DERA: variants seen among roughly 807,000 people sequenced by gnomAD.
The protein encoded by DERA is deoxyribose-phosphate aldolase.
Under a neutral mutation model 41.1 loss-of-function variants are expected in DERA, and 15 were observed. That is an observed-to-expected ratio of 0.37 (90% CI 0.24 to 0.56). The LOEUF is 0.56. Ranked by LOEUF, DERA falls within the 20% of genes least tolerant of loss-of-function variation. The pLI is 0.81. For synonymous variants in DERA, 139 were observed against 137.4 expected (o/e 1.01, Z -0.08); for missense variants, 396 against 403.4 (o/e 0.98, Z 0.16).
In DERA at chr12:15,940,680, A is replaced by C. The variant is rs1948402578; in HGVS notation, c.32-16256A>C. Among the ~76,000 whole-genome samples the C allele has an allele frequency of 6.6e-6, 1 of 152,154 alleles. No individual in the cohort carries two copies. Among genetic ancestry groups the C allele is most frequent in the African/African-American group, 2.4e-5 (1 of 41,446 alleles). On this transcript the variant is annotated intron_variant, in intron 1 of 8. Transcript: ENST00000428559. The surrounding 1 kb of genome is among the most constrained non-coding windows in gnomAD (Gnocchi z 5.1). ...TTACTTCTTACACATTCACTAGAAAATTTAGATCTAAAAGTGAGCAATATT... is the reference window on the plus strand; with the variant it reads ...TTACTTCTTACACATTCACTAGAAACTTTAGATCTAAAAGTGAGCAATATT...
chr12:15,960,291 AAC>A (rs547474609), intron 4 of DERA, among the ~76,000 whole-genome samples: 37 of 150,458 alleles, frequency 2.5e-4, no homozygotes, highest in African/African-American at 8.5e-4. Context: ...TATACATACT[AAC>A]ACACACATGT....
intron 1 of DERA, among the ~76,000 whole-genome samples, chr12:15,919,982 G>GTC (rs1948229842): frequency 6.7e-6 from 1 of 150,164 alleles, no homozygotes; most frequent in Admixed American, 6.7e-5. Flanking sequence ...GTGTGTGTGT[G>GTC]TGTGTGTGTG....
chr12:15,966,566 A>G lies in DERA; in HGVS notation c.508+3619A>G, dbSNP rs1483761056. Among the ~76,000 whole-genome samples the G allele has an allele frequency of 1.3e-5, 2 of 152,150 alleles. No homozygotes were observed. Among genetic ancestry groups the G allele is most frequent in the African/African-American group, 2.4e-5 (1 of 41,436 alleles). On this transcript the variant is annotated intron_variant, in intron 5 of 8. Coordinates refer to ENST00000428559, the MANE Select transcript of DERA (RefSeq NM_015954.4). This position sits in a 1 kb window ranked among gnomAD's most constrained non-coding sequence, Gnocchi z 5.1. ...CCTGTCATCTCATTATGTCCAGGGC[A>G]TACTCCCCAGTTGTTTATTCAGCAT...
chr12:15,933,754 T>G (rs1239574871), intron 1 of DERA, among the ~76,000 whole-genome samples: 2 of 152,146 alleles, frequency 1.3e-5, no homozygotes, highest in African/African-American at 4.8e-5. Context: ...TCCTTGATTC[T>G]CAGTTAATTT....
chr12:15,977,954 A>C (rs1265165927), intron 5 of DERA, among the ~76,000 whole-genome samples: 1 of 152,176 alleles, frequency 6.6e-6, no homozygotes, highest in Non-Finnish European at 1.5e-5. Flanking sequence ...TTATTGCTTC[A>C]CTTGTAATTT....
intron 6 of DERA, among the ~76,000 whole-genome samples, chr12:16,006,098 T>C (rs1472655727): frequency 1.3e-5 from 2 of 152,248 alleles, no homozygotes; most frequent in Non-Finnish European, 2.9e-5. Flanking sequence ...GCCTTACTTG[T>C]GGAAAACCAG....
intron 5 of DERA, among the ~76,000 whole-genome samples, chr12:15,975,108 A>G (rs191653282): frequency 4.4e-4 from 67 of 152,308 alleles, no homozygotes; most frequent in African/African-American, 1.6e-3. Context: ...CGGAAATTAC[A>G]GTAGAGAAAG....
intron 6 of DERA, among the ~76,000 whole-genome samples, chr12:16,023,291 A>G (rs1409987944): frequency 6.6e-6 from 1 of 152,150 alleles, no homozygotes; most frequent in Non-Finnish European, 1.5e-5. Flanking sequence ...CAAGAATACT[A>G]TAGAAATTTG....
chr12:15,957,604 A>G lies in DERA; in HGVS notation c.129+571A>G, dbSNP rs1948549675. On this transcript the variant is annotated intron_variant, in intron 2 of 8. Transcript: ENST00000428559. The surrounding 1 kb of genome is among the most constrained non-coding windows in gnomAD (Gnocchi z 4.8). Reference sequence around the variant, plus strand: ...GAGTTCATTTCACAAGTGAGACAGAATACTGTGATTGAATCCTTGAGAGTG... The same window carrying G: ...GAGTTCATTTCACAAGTGAGACAGAGTACTGTGATTGAATCCTTGAGAGTG... 1.3e-5 allele frequency among the ~76,000 whole-genome samples: 2 copies of G among 152,228 alleles called. No homozygotes were observed.
intron 5 of DERA, among the ~76,000 whole-genome samples, chr12:15,964,700 A>G (rs116062531): frequency 0.012 from 1,845 of 152,354 alleles, 57 homozygotes; most frequent in African/African-American, 0.041. Context: ...TATGTCCTTT[A>G]TATCTTAAGC....
chr12:15,987,223 A>G (rs1265302346), intron 6 of DERA, among the ~76,000 whole-genome samples: 4 of 138,664 alleles, frequency 2.9e-5, no homozygotes, highest in South Asian at 2.2e-4. Context: ...AAAACCATAT[A>G]TATGTACTTT....
Position 15,943,689 on chromosome 12 carries a change from T to C in DERA, c.32-13247T>C, listed in dbSNP as rs1948424491. ...GACATTTTCTATTTTCTGTTTCTTC[T>C]TTTTTATTTTTTAATTTTTATTTAT... is the stretch of plus-strand genomic sequence containing the variant. On this transcript the variant is annotated intron_variant, in intron 1 of 8. Transcript: ENST00000428559. This position sits in a 1 kb window ranked among gnomAD's most constrained non-coding sequence, Gnocchi z 4.5. Among the ~76,000 whole-genome samples, 1 of 146,930 alleles carries C rather than the reference T, an allele frequency of 6.8e-6. No homozygotes were observed. The highest frequency in any genetic ancestry group is 2.1e-4 in the South Asian group (1 of 4,742).
At position 15,967,793 on chromosome 12, in the gene DERA, TAA is replaced by T. The variant is rs1399606809; in HGVS notation, c.508+4847_508+4848del. Among the ~76,000 whole-genome samples, 4 of 152,340 alleles carry T rather than the reference TAA, an allele frequency of 2.6e-5. No homozygotes were observed. The highest frequency in any genetic ancestry group is 2.6e-4 in the Admixed American group (4 of 15,308). On this transcript the variant is annotated intron_variant, in intron 5 of 8. Transcript: ENST00000428559. The surrounding 1 kb of genome is among the most constrained non-coding windows in gnomAD (Gnocchi z 4.9). ...GTCTAGCTGGACATGGAAACGTGGA[TAA>T]CTACATTTCTCACTTACCACCATAG...
rs1475279146 is a variant in DERA, at chr12:15,928,077, T to C, written c.31+16663T>C. 6.6e-6 allele frequency among the ~76,000 whole-genome samples: 1 copy of C among 152,258 alleles called. No homozygotes were observed. Among genetic ancestry groups the C allele is most frequent in the Non-Finnish European group, 1.5e-5 (1 of 68,046 alleles). ...GTAATATTTTGATACATGTATACAATGTGAAATGATTAAATCAAGCTGAGT... is the reference window on the plus strand; with the variant it reads ...GTAATATTTTGATACATGTATACAACGTGAAATGATTAAATCAAGCTGAGT... On this transcript the variant is annotated intron_variant, in intron 1 of 8. Coordinates refer to ENST00000428559, the MANE Select transcript of DERA (RefSeq NM_015954.4). The surrounding 1 kb of genome is among the most constrained non-coding windows in gnomAD (Gnocchi z 4.6).
intron 6 of DERA, among the ~76,000 whole-genome samples, chr12:16,002,335 G>A (rs1194576942): frequency 6.3e-5 from 9 of 141,834 alleles, no homozygotes; most frequent in African/African-American, 1.7e-4. Flanking sequence ...AGGAGCCAAC[G>A]TATATAACCT....
rs770137344 is a variant in DERA, at chr12:16,013,244, C to T, written c.638-19298C>T. ...TAATGCTTAGTTTAATGTGTGACTG[C>T]ACATGCTGTTCATTTGTGATATGGT... On this transcript the variant is annotated intron_variant, in intron 6 of 8. Coordinates refer to ENST00000428559, the MANE Select transcript of DERA (RefSeq NM_015954.4). The surrounding 1 kb of genome is among the most constrained non-coding windows in gnomAD (Gnocchi z 5.8). Among the ~76,000 whole-genome samples, 1 of 152,196 alleles carries T rather than the reference C, an allele frequency of 6.6e-6. No homozygotes were observed. The highest frequency in any genetic ancestry group is 1.5e-5 in the Non-Finnish European group (1 of 68,026).
At position 16,036,032 on chromosome 12, in the gene DERA, T is replaced by C. The variant is rs965816350; in HGVS notation, c.751-200T>C. Among the ~76,000 whole-genome samples, 5 of 152,186 alleles carry C rather than the reference T, an allele frequency of 3.3e-5. No homozygotes were observed. Among genetic ancestry groups the C allele is most frequent in the African/African-American group, 1.2e-4 (5 of 41,444 alleles). On this transcript the variant is annotated intron_variant, in intron 7 of 8. Transcript: ENST00000428559. This position sits in a 1 kb window ranked among gnomAD's most constrained non-coding sequence, Gnocchi z 4.9. ...GTCTGTTTGGAAGTAGTGACATTCT[T>C]CCAAAAATCTTGGAAAAGTTGTTTT...
chr12:15,946,579 CTTT>C (rs879658602), intron 1 of DERA, among the ~76,000 whole-genome samples: 1 of 147,044 alleles, frequency 6.8e-6, no homozygotes, highest in South Asian at 2.2e-4. Flanking sequence ...GTGATATCCC[CTTT>C]TTTTTTTATT....
intron 1 of DERA, among the ~76,000 whole-genome samples, chr12:15,948,046 C>T (rs921275742): frequency 7.9e-5 from 12 of 152,228 alleles, no homozygotes; most frequent in Admixed American, 1.3e-4. Flanking sequence ...TCTCTTCAGG[C>T]TTGTAGAGTT....
Sources: allele counts gnomAD v4.1 joint callset (sites outside exome capture counted in the v4.1 genomes callset), GRCh38; gene constraint gnomAD v4.1.1; non-coding constraint Gnocchi (gnomAD v3.1); transcripts MANE v1.5; gene names NCBI Gene and HGNC (gene_info 2026-07-23, HGNC 2026-07-21).